OTOGL: variants seen among roughly 807,000 people sequenced by gnomAD.
OTOGL encodes the protein otogelin-like protein.
In OTOGL, 285 loss-of-function variants were observed where a neutral mutation model predicts 318.5. That is an observed-to-expected ratio of 0.89 (90% confidence interval 0.81 to 0.99). The LOEUF (loss-of-function observed/expected upper bound fraction) is 0.99. Ranked by LOEUF, OTOGL falls within the 50% of genes least tolerant of loss-of-function variation. The pLI is 0.00. For synonymous variants in OTOGL, 987 were observed against 936.5 expected (o/e 1.05, Z -0.99); for missense variants, 2,899 against 2,845.6 (o/e 1.02, Z -0.43).
chr12:80,365,531 T>G (rs1285909881), intron 52 of OTOGL, among the ~76,000 whole-genome samples: 1 of 152,162 alleles, frequency 6.6e-6, no homozygotes, highest in African/African-American at 2.4e-5. Context: ...ATATGTTACC[T>G]AAAAGAGTTA....
At chr12:80,276,679 CCA>C (rs1449115251) in intron 24 of OTOGL, among the ~76,000 whole-genome samples, 1 of 151,292 alleles carries the variant, frequency 6.6e-6, no homozygotes, top group East Asian at 1.9e-4. Flanking sequence ...TTTGGGAGGG[CCA>C]AGGTGACAGA....
intron 55 of OTOGL, among the ~76,000 whole-genome samples, chr12:80,370,313 C>G (rs969590542): frequency 6.6e-6 from 1 of 151,896 alleles, no homozygotes; most frequent in African/African-American, 2.4e-5. Context: ...CCTCTCAGTT[C>G]TAGTATGAAA....
intron 1 of OTOGL, among the ~76,000 whole-genome samples, chr12:80,187,639 T>C (rs1213475901): frequency 6.6e-6 from 1 of 152,116 alleles, no homozygotes; most frequent in African/African-American, 2.4e-5. Context: ...GCATTATAAA[T>C]AACTGGAAAG....
intron 1 of OTOGL, among the ~76,000 whole-genome samples, chr12:80,204,664 AT>A (rs1876689640): frequency 6.6e-6 from 1 of 152,174 alleles, no homozygotes; most frequent in African/African-American, 2.4e-5. Context: ...TCTTCCAAGT[AT>A]AAAGTACTTG....
chr12:80,349,883 T>C (rs1370645090), intron 44 of OTOGL, among the ~76,000 whole-genome samples: 1 of 152,270 alleles, frequency 6.6e-6, no homozygotes, highest in African/African-American at 2.4e-5. Context: ...TGTGGAATGA[T>C]GAAATCTAGC....
Position 80,329,099 on chromosome 12 carries a change from C to A in OTOGL, c.4328C>A (p.Pro1443Gln), listed in dbSNP as rs1158920268. The change falls in exon 37 of 59, where the codon CCA (proline) becomes CAA (glutamine). Residue 1443 changes from proline to glutamine, a missense_variant. Around this residue, in one of 3 missense-constraint regions of OTOGL, gnomAD observed 2,607 missense variants for 2,524.9 expected, o/e 1.03. Coordinates refer to ENST00000547103, the MANE Select transcript of OTOGL (RefSeq NM_001378609.3). ...TEPTLMPPAK[P>Q]TVPMFTVWEM... ...CCAACATTAATGCCACCAGCTAAGC[C>A]AACTGTGCCCATGTTTACAGGTATT... 2.6e-6 allele frequency: 4 copies of A among 1,545,578 alleles called. No individual in the cohort carries two copies. In the South Asian group the frequency reaches 5.1e-5, roughly 20 times the overall value.
chr12:80,239,187 T>A, intron 10 of OTOGL, 146 bp from the exon 11 acceptor site: 1 of 917,476 alleles, frequency 1.1e-6, no homozygotes, highest in Non-Finnish European at 1.6e-6. Flanking sequence ...AATAATGTAG[T>A]CAGAAAAATG....
In OTOGL at chr12:80,336,123, C is replaced by G. The variant is rs759326884; in HGVS notation, c.4583C>G (p.Pro1528Arg). The G allele has an allele frequency of 8.2e-6, 13 of 1,594,958 alleles. No homozygotes were observed. In the Admixed American group the frequency reaches 2.2e-4, roughly 27 times the overall value. The change falls in exon 39 of 59, where the codon CCT becomes CGT. Residue 1528 changes from proline to arginine, a missense_variant. Pro to Arg is a moderately radical substitution (Grantham distance 103). Around this residue, in one of 3 missense-constraint regions of OTOGL, gnomAD observed 2,607 missense variants for 2,524.9 expected, o/e 1.03. Transcript: ENST00000547103. Reference protein sequence around the residue: ...PVQVNSDICCPEWECPCRCSM... With the variant: ...PVQVNSDICCREWECPCRCSM... ...CAAGTGAACAGTGATATCTGCTGCCCTGAGTGGGAATGTCCTTGTAAGTTT... is the reference window on the plus strand; with the variant it reads ...CAAGTGAACAGTGATATCTGCTGCCGTGAGTGGGAATGTCCTTGTAAGTTT...
Position 80,370,656 on chromosome 12 carries a change from C to T in OTOGL, c.6702C>T (p.Val2234=). The T allele has an allele frequency of 1.3e-6, 2 of 1,592,728 alleles. No individual in the cohort carries two copies. The highest frequency in any genetic ancestry group is 1.7e-6 in the Non-Finnish European group (2 of 1,166,506). ...EGAIILNYTM[V]CPPFNETECK... ...CAATAATTCTGAACTACACAATGGT[C>T]TGTCCCCCTTTTAATGAGACTGAAT... The change falls in exon 56 of 59, where the codon GTC becomes GTT. Residue 2234 remains valine (V), a synonymous_variant. Transcript: ENST00000547103.
At chr12:80,206,748 T>C (rs1876840707) in intron 1 of OTOGL, among the ~76,000 whole-genome samples, 1 of 151,850 alleles carries the variant, frequency 6.6e-6, no homozygotes, top group African/African-American at 2.4e-5. Flanking sequence ...CTTAAACTTC[T>C]GAGCTGAAGT....
intron 1 of OTOGL, among the ~76,000 whole-genome samples, chr12:80,158,626 C>T (rs1233205816): frequency 6.6e-6 from 1 of 151,932 alleles, no homozygotes; most frequent in Non-Finnish European, 1.5e-5. Context: ...TGATTTGATT[C>T]TCAGCTTGGT....
At chr12:80,274,541 A>T (rs1462759607) in intron 24 of OTOGL, among the ~76,000 whole-genome samples, 1 of 152,060 alleles carries the variant, frequency 6.6e-6, no homozygotes, top group African/African-American at 2.4e-5. Context: ...GCAAGTGCTG[A>T]TGGAGAAGCT....
chr12:80,225,880 T>G (rs1878794815), intron 7 of OTOGL, among the ~76,000 whole-genome samples: 1 of 152,082 alleles, frequency 6.6e-6, no homozygotes, highest in Non-Finnish European at 1.5e-5. Context: ...CCCGACTATT[T>G]TTTCCATCTT....
At chr12:80,133,607 T>G (rs1871369002) in intron 1 of OTOGL, 1 of 152,228 alleles carries the variant, frequency 6.6e-6, no homozygotes, top group Middle Eastern at 3.4e-3. Flanking sequence ...GCTAAACTCA[T>G]TCAAGCCCAG....
At chr12:80,348,787 C>G (rs752922030) in intron 44 of OTOGL, among the ~76,000 whole-genome samples, 26 of 152,278 alleles carry the variant, frequency 1.7e-4, no homozygotes, top group African/African-American at 5.8e-4. Context: ...TACAAGCTCT[C>G]TTAATATTCC....
At chr12:80,311,756 C>T (rs191502018) in intron 30 of OTOGL, among the ~76,000 whole-genome samples, 8 of 152,298 alleles carry the variant, frequency 5.3e-5, no homozygotes, top group Admixed American at 5.2e-4. Flanking sequence ...AAGGAAACAC[C>T]TGATGGTGTC....
At chr12:80,147,603 G>A (rs1446098858) in intron 1 of OTOGL, among the ~76,000 whole-genome samples, 4 of 151,960 alleles carry the variant, frequency 2.6e-5, no homozygotes, top group Non-Finnish European at 5.9e-5. Context: ...TAATTCCTGG[G>A]TATTCTTGTT....
In OTOGL at chr12:80,115,325, G is replaced by A. The variant is rs368856513; in HGVS notation, c.-20+15720G>A. On this transcript the variant is annotated intron_variant, in intron 1 of 58. Transcript: ENST00000547103. ...ATGTTGATGCTATTGCTTTCTCTTT[G>A]TAATTTTTCCTTCTAACAGTCAGGT... 2.0e-5 allele frequency among the ~76,000 whole-genome samples: 3 copies of A among 151,866 alleles called. No homozygotes were observed. In the East Asian group the frequency reaches 5.8e-4, roughly 29 times the overall value.
intron 4 of OTOGL, 91 bp downstream of exon 4, chr12:80,212,088 A>C: frequency 7.8e-7 from 1 of 1,279,322 alleles, no homozygotes; most frequent in Non-Finnish European, 1.1e-6. Flanking sequence ...ACCTTTGTGG[A>C]GGGGAATAAA....
Sources: allele counts gnomAD v4.1 joint callset (sites outside exome capture counted in the v4.1 genomes callset), GRCh38; gene constraint gnomAD v4.1.1; regional missense constraint gnomAD v4.1.1; transcripts MANE v1.5; gene names NCBI Gene and HGNC (gene_info 2026-07-23, HGNC 2026-07-21).